EML5: variants seen among roughly 807,000 people sequenced by gnomAD.
EML5 encodes EMAP like 5.
A neutral mutation model predicts 250.0 loss-of-function variants in EML5; 120 were observed. The observed-to-expected ratio is 0.48, with a 90% CI of 0.41 to 0.56. The LOEUF (loss-of-function observed/expected upper bound fraction) is 0.56, where lower values mean the gene tolerates loss of function less well. Among genes scored for constraint, EML5 ranks in the 20% least tolerant of loss-of-function variants. The pLI, the probability that EML5 is intolerant of heterozygous loss-of-function variation, is 0.00. For missense variants in EML5, 2,006 were observed against 2,437.6 expected (o/e 0.82, Z 3.73); for synonymous variants, 771 against 806.5 (o/e 0.96, Z 0.75).
chr14:88,707,833 T>C (rs1022904200), intron 10 of EML5, among the ~76,000 whole-genome samples: 2 of 152,224 alleles, frequency 1.3e-5, no homozygotes, highest in African/African-American at 4.8e-5. Context: ...TATATAGGAA[T>C]GCATTACTTG....
In EML5 at chr14:88,618,733, T is replaced by G. The variant is rs1343965877; in HGVS notation, c.5455A>C (p.Thr1819Pro). 1.2e-6 allele frequency: 2 copies of G among 1,609,016 alleles called. No homozygotes were observed. Among genetic ancestry groups the G allele is most frequent in the Non-Finnish European group, 8.5e-7 (1 of 1,177,456 alleles). ...TTGCAGTAGCTGATTCTGTTAAGAG[T>G]GGGGCCCAGCGTTAGGTCATAAAAA... is the stretch of plus-strand genomic sequence containing the variant. ...VDFYDLTLGP[T>P]LNRISYCKDI... The change falls in exon 40 of 44, where the codon ACT becomes CCT. Residue 1819 changes from threonine (T) to proline (P), a missense_variant. Transcript: ENST00000554922.
At chr14:88,732,081 T>G (rs1226409384) in intron 7 of EML5, among the ~76,000 whole-genome samples, 1 of 152,218 alleles carries the variant, frequency 6.6e-6, no homozygotes, top group Non-Finnish European at 1.5e-5. Context: ...TAGATCCCAT[T>G]TGTCAATTTT....
chr14:88,780,573 C>CT (rs35015569), intron 1 of EML5, among the ~76,000 whole-genome samples: 12,878 of 147,230 alleles, frequency 0.087, 663 homozygotes, highest in Non-Finnish European at 0.12. Context: ...TATAAAAAAT[C>CT]TTTTTTTTTT....
intron 6 of EML5, among the ~76,000 whole-genome samples, chr14:88,737,275 C>G (rs1466385808): frequency 6.6e-6 from 1 of 152,216 alleles, no homozygotes; most frequent in Non-Finnish European, 1.5e-5. Flanking sequence ...TGTAACACCC[C>G]CTTTGGGGCT....
chr14:88,747,627 A>G (rs1383832212), intron 2 of EML5, among the ~76,000 whole-genome samples: 2 of 152,194 alleles, frequency 1.3e-5, no homozygotes, highest in Non-Finnish European at 1.5e-5. Flanking sequence ...AGGATTCAAA[A>G]TATCTGTATA....
chr14:88,786,237 C>T (rs1265731754), intron 1 of EML5, among the ~76,000 whole-genome samples: 2 of 152,174 alleles, frequency 1.3e-5, no homozygotes, highest in Non-Finnish European at 2.9e-5. Context: ...CCAATAGTTT[C>T]TATCGCATTT....
chr14:88,785,223 G>A (rs1007357929), intron 1 of EML5, among the ~76,000 whole-genome samples: 1 of 152,132 alleles, frequency 6.6e-6, no homozygotes, highest in Non-Finnish European at 1.5e-5. Context: ...AGTGGGGATG[G>A]TTAATGGGTA....
intron 2 of EML5, among the ~76,000 whole-genome samples, chr14:88,753,171 G>A (rs2094120364): frequency 6.6e-6 from 1 of 152,114 alleles, no homozygotes; most frequent in Non-Finnish European, 1.5e-5. Context: ...TGCTGCCACA[G>A]GCAAGCCAGC....
chr14:88,633,709 T>C (rs2090564645), intron 33 of EML5, among the ~76,000 whole-genome samples: 1 of 152,140 alleles, frequency 6.6e-6, no homozygotes, highest in Non-Finnish European at 1.5e-5. Flanking sequence ...CCACAGAACA[T>C]ATATAACTTC....
At position 88,621,220 on chromosome 14, in the gene EML5, C is replaced by A. The variant is rs761720203; in HGVS notation, c.5095G>T (p.Gly1699Cys). ...KNAACNILVN[G>C]HVDGPIWGLA... The stretch of plus-strand genomic sequence containing the variant: ...CCCCAGATTGGCCCATCCACATGAC[C>A]GTTAACTAAAATATTACAAGCTGCA... The change falls in exon 38 of 44, where the codon GGT becomes TGT. Residue 1699 changes from glycine to cysteine, a missense_variant. Physicochemically the swap from Gly to Cys is radical, Grantham distance 159 (BLOSUM62 -3). Transcript: ENST00000554922. 1 of 1,613,922 alleles carries A rather than the reference C, an allele frequency of 6.2e-7. No homozygotes were observed. The highest frequency in any genetic ancestry group is 8.5e-7 in the Non-Finnish European group (1 of 1,179,868).
At chr14:88,662,330 A>ATTTTT (rs1424224893) in intron 24 of EML5, among the ~76,000 whole-genome samples, 1 of 102,286 alleles carries the variant, frequency 9.8e-6, no homozygotes, top group African/African-American at 4.2e-5. Flanking sequence ...ATGCAACACA[A>ATTTTT]TTTTTCTTGT....
In EML5 at chr14:88,703,632, A is replaced by G. The variant is rs565529393; in HGVS notation, c.2052-1000T>C. Among the ~76,000 whole-genome samples, 8 of 152,334 alleles carry G rather than the reference A, an allele frequency of 5.3e-5. No homozygotes were observed. In the South Asian group the frequency reaches 1.4e-3, roughly 28 times the overall value. On this transcript the variant is annotated intron_variant, in intron 13 of 43. Coordinates refer to ENST00000554922, the MANE Select transcript of EML5 (RefSeq NM_183387.3). The stretch of plus-strand genomic sequence containing the variant: ...AATTAAATCCTTTTTCAAATTCTTG[A>G]TAAGTATTATCAGTCAGGTAAGAAA...
At chr14:88,651,625 T>A (rs936447151) in intron 27 of EML5, among the ~76,000 whole-genome samples, 2 of 152,056 alleles carry the variant, frequency 1.3e-5, no homozygotes, top group African/African-American at 4.8e-5. Flanking sequence ...ATAGAACACT[T>A]TTCACTTTTC....
intron 1 of EML5, among the ~76,000 whole-genome samples, chr14:88,767,285 T>G (rs536723966): frequency 6.6e-6 from 1 of 152,332 alleles, no homozygotes; most frequent in East Asian, 1.9e-4. Flanking sequence ...TGGATGATTG[T>G]AGGTCAGTTC....
At chr14:88,630,905 T>A (rs750878102) in intron 33 of EML5, among the ~76,000 whole-genome samples, 1 of 152,140 alleles carries the variant, frequency 6.6e-6, no homozygotes. Flanking sequence ...AGTCCCTGGG[T>A]TCTGGATGAC....
At chr14:88,669,607 T>C (rs1271856952) in intron 21 of EML5, among the ~76,000 whole-genome samples, 1 of 152,076 alleles carries the variant, frequency 6.6e-6, no homozygotes, top group Non-Finnish European at 1.5e-5. Context: ...ACTGAGCTCC[T>C]AGAGGGGAGG....
intron 1 of EML5, among the ~76,000 whole-genome samples, chr14:88,762,071 C>G (rs2094252663): frequency 1.3e-5 from 2 of 152,074 alleles, no homozygotes; most frequent in South Asian, 4.1e-4. Flanking sequence ...CTTGTAGATT[C>G]TGGATATTAG....
Position 88,644,478 on chromosome 14 carries a change from C to G in EML5, c.4062G>C (p.Glu1354Asp), listed in dbSNP as rs369750451. 1 of 1,613,728 alleles carries G rather than the reference C, an allele frequency of 6.2e-7. No individual in the cohort carries two copies. The highest frequency in any genetic ancestry group is 1.1e-5 in the South Asian group (1 of 91,068). ...PPVSRAPPQP[E>D]KLQTNNVGKK... ...TGCCTACATTGTTTGTCTGGAGTTT[C>G]TCTGGCTGTGGTGGGGCCCTGCTCA... is the stretch of plus-strand genomic sequence containing the variant. Residue 1354 changes from glutamate (E) to aspartate (D), a missense_variant, in exon 30 of 44, where the codon GAG becomes GAC. This residue lies in a region of EML5 where 1,375 missense variants were observed against 1,590.3 expected (regional missense o/e 0.86). Coordinates refer to ENST00000554922, the MANE Select transcript of EML5 (RefSeq NM_183387.3).
intron 1 of EML5, among the ~76,000 whole-genome samples, chr14:88,759,123 C>T (rs1201274780): frequency 1.3e-5 from 2 of 151,914 alleles, no homozygotes; most frequent in African/African-American, 4.8e-5. Flanking sequence ...GAATTGTGCA[C>T]TTAAAGTGTA....
Sources: gnomAD v4.1 joint callset for allele counts (sites outside exome capture counted in the v4.1 genomes callset) on GRCh38, gnomAD v4.1.1 for gene constraint, gnomAD v4.1.1 regional missense constraint, MANE v1.5 for transcripts, NCBI Gene and HGNC (gene_info 2026-07-23, HGNC 2026-07-21) for gene names.